Variants in ZNF322 observed in about 807,000 individuals in gnomAD.
ZNF322 encodes zinc finger protein 322.
Under a neutral mutation model 18.3 loss-of-function variants are expected in ZNF322, and 1 was observed. That is an observed-to-expected ratio of 0.05 (90% confidence interval 0.02 to 0.26). The LOEUF (loss-of-function observed/expected upper bound fraction) is 0.26, where lower values mean the gene tolerates loss of function less well. Ranked by LOEUF, ZNF322 falls within the 10% of genes least tolerant of loss-of-function variation. The probability of loss-of-function intolerance (pLI) is 1.00; values close to 1 mark genes in which losing one functional copy is unlikely to be tolerated. For missense variants in ZNF322, 36 were observed against 403.6 expected, an observed-to-expected ratio of 0.09 and a Z score of 7.80; for synonymous variants, 17 against 130.7, an observed-to-expected ratio of 0.13 and a Z score of 5.93.
intron 2 of ZNF322, among the ~76,000 whole-genome samples, chr6:26,649,539 A>G (rs1554148961): frequency 6.6e-6 from 1 of 151,472 alleles, no homozygotes; most frequent in Non-Finnish European, 1.5e-5. Context: ...TAAATTCTAC[A>G]TTAATCTTAG....
intron 2 of ZNF322, among the ~76,000 whole-genome samples, chr6:26,651,704 T>C (rs1765672995): frequency 6.6e-6 from 1 of 152,160 alleles, no homozygotes; most frequent in Non-Finnish European, 1.5e-5. Context: ...CATAAATACA[T>C]ACATACTTAC....
At chr6:26,656,709 G>A (rs1765778218) in intron 2 of ZNF322, among the ~76,000 whole-genome samples, 1 of 152,080 alleles carries the variant, frequency 6.6e-6, no homozygotes, top group African/African-American at 2.4e-5. Context: ...TTAGTGTTAA[G>A]CTCAAAAGGA....
intron 3 of ZNF322, among the ~76,000 whole-genome samples, chr6:26,642,747 T>C (rs782198020): frequency 6.6e-6 from 1 of 152,206 alleles, no homozygotes; most frequent in Non-Finnish European, 1.5e-5. Context: ...TTTTGCCTTA[T>C]AGTCAAAGGA....
At chr6:26,641,065 G>A (rs949497319) in intron 3 of ZNF322, among the ~76,000 whole-genome samples, 1 of 152,230 alleles carries the variant, frequency 6.6e-6, no homozygotes, top group Non-Finnish European at 1.5e-5. Context: ...TCTGGGTAAT[G>A]AGATGATACA....
chr6:26,651,626 T>C (rs1298309250), intron 2 of ZNF322: 4 of 152,168 alleles, frequency 2.6e-5, no homozygotes, highest in African/African-American at 7.2e-5. Flanking sequence ...TGTGAGGTAA[T>C]ATATGTTAAA....
intron 2 of ZNF322, among the ~76,000 whole-genome samples, chr6:26,645,543 A>T (rs898089480): frequency 6.6e-6 from 1 of 152,194 alleles, no homozygotes; most frequent in Admixed American, 6.5e-5. Context: ...CTTGGACCAT[A>T]TCCCCCACAA....
Position 26,638,197 on chromosome 6 carries a change from T to C in ZNF322, c.357A>G (p.Arg119=), listed in dbSNP as rs1554147971. The change falls in exon 4 of 4, where the codon AGA becomes AGG. Residue 119 remains arginine, a synonymous_variant. Coordinates refer to ENST00000415922, the MANE Select transcript of ZNF322 (RefSeq NM_024639.5). ...WHHLALSGHQ[R]THAGKKFYTC... is the part of the protein sequence containing the mutation. ...TATAGAATTTTTTACCTGCATGTGT[T>C]CTCTGATGTCCTGAAAGCGCTAAGT... is the stretch of plus-strand genomic sequence containing the variant. 6.2e-7 allele frequency: 1 copy of C among 1,613,858 alleles called. No individual in the cohort carries two copies. The highest frequency in any genetic ancestry group is 8.5e-7 in the Non-Finnish European group (1 of 1,179,786).
At chr6:26,657,293 T>C (rs1765796984) in intron 2 of ZNF322, among the ~76,000 whole-genome samples, 1 of 151,942 alleles carries the variant, frequency 6.6e-6, no homozygotes, top group African/African-American at 2.4e-5. Context: ...TTTAAAATAC[T>C]GTTTTCTAGC....
At chr6:26,647,708 G>A (rs77287409) in intron 2 of ZNF322, among the ~76,000 whole-genome samples, 4,904 of 151,930 alleles carry the variant, frequency 0.032, 145 homozygotes, top group African/African-American at 0.089. Flanking sequence ...ATTATTTCAC[G>A]AAATAATTCT....
intron 2 of ZNF322, among the ~76,000 whole-genome samples, chr6:26,646,578 A>C (rs980788810): frequency 1.1e-4 from 16 of 152,226 alleles, no homozygotes; most frequent in Non-Finnish European, 1.0e-4. Context: ...AATATTAATA[A>C]TAGGAAAGCT....
chr6:26,649,682 TA>T (rs1561924862), intron 2 of ZNF322, among the ~76,000 whole-genome samples: 10 of 25,302 alleles, frequency 4.0e-4, no homozygotes, highest in African/African-American at 1.6e-3. Context: ...TGTGTATATA[TA>T]TATATATATA....
intron 2 of ZNF322, among the ~76,000 whole-genome samples, chr6:26,647,957 T>C (rs1765586402): frequency 6.6e-6 from 1 of 151,882 alleles, no homozygotes; most frequent in Non-Finnish European, 1.5e-5. Flanking sequence ...TAGCCCACTG[T>C]AGCCTCAAGC....
chr6:26,656,655 T>C (rs184711720), intron 2 of ZNF322, among the ~76,000 whole-genome samples: 31 of 152,254 alleles, frequency 2.0e-4, no homozygotes, highest in African/African-American at 6.5e-4. Context: ...ATAGCTGTTA[T>C]AAGATGGGGG....
intron 2 of ZNF322, among the ~76,000 whole-genome samples, chr6:26,651,863 G>A (rs1400779644): frequency 6.6e-6 from 1 of 152,086 alleles, no homozygotes; most frequent in Non-Finnish European, 1.5e-5. Flanking sequence ...GATGGGTCTC[G>A]CTCTGTGTCC....
At chr6:26,654,821 C>T (rs1332788947) in intron 2 of ZNF322, among the ~76,000 whole-genome samples, 13 of 151,940 alleles carry the variant, frequency 8.6e-5, no homozygotes, top group Admixed American at 7.2e-4. Flanking sequence ...CTGAAAATAT[C>T]TCCCCACTAG....
At chr6:26,644,079 T>C (rs1198575936) in intron 2 of ZNF322, among the ~76,000 whole-genome samples, 2 of 152,214 alleles carry the variant, frequency 1.3e-5, no homozygotes, top group Non-Finnish European at 2.9e-5. Context: ...CAAAGTGTAA[T>C]AGGGACTACA....
At chr6:26,652,095 T>C (rs1400170290) in intron 2 of ZNF322, among the ~76,000 whole-genome samples, 3 of 152,282 alleles carry the variant, frequency 2.0e-5, no homozygotes, top group Admixed American at 6.5e-5. Context: ...TGGCCTCCCA[T>C]AGTGCTAGGA....
In ZNF322 at chr6:26,650,680, C is replaced by T. The variant is rs182887393; in HGVS notation, c.-245-6952G>A. ...AAAATTTGAAATTAAAAACACAATA[C>T]CATTTACATTAACACTCTAAAAAAT... On this transcript the variant is annotated intron_variant, in intron 2 of 3. Coordinates refer to ENST00000415922, the MANE Select transcript of ZNF322 (RefSeq NM_024639.5). Among the ~76,000 whole-genome samples, 14 of 152,202 alleles carry T rather than the reference C, an allele frequency of 9.2e-5. No individual in the cohort carries two copies. The East Asian group carries it at 2.7e-3, about 29-fold the overall frequency.
Position 26,636,791 on chromosome 6 carries a change from A to G in ZNF322, c.*554T>C, listed in dbSNP as rs77338209. On this transcript the variant is annotated 3_prime_UTR_variant, in exon 4 of 4. Transcript: ENST00000415922. Reference sequence around the variant, plus strand: ...GTGCAAACCCAAGTAAGGCTCTCCAACGAATGCTTTTGCCATACTTAAGAC... The same window carrying G: ...GTGCAAACCCAAGTAAGGCTCTCCAGCGAATGCTTTTGCCATACTTAAGAC... The G allele has an allele frequency of 8.3e-6, 1 of 121,146 alleles. No individual in the cohort carries two copies. The highest frequency in any genetic ancestry group is 3.4e-5 in the African/African-American group (1 of 29,480). The allele number at this position is 121,146 out of a possible 1,614,324, so 7.5% of individuals were successfully genotyped here.
Sources: gnomAD v4.1 joint callset for allele counts (sites outside exome capture counted in the v4.1 genomes callset) on GRCh38, gnomAD v4.1.1 for gene constraint, MANE v1.5 for transcripts, NCBI Gene and HGNC (gene_info 2026-07-23, HGNC 2026-07-21) for gene names.